Variants in ATP6V1H observed in about 807,000 individuals in gnomAD.
ATP6V1H encodes the protein ATPase H+ transporting V1 subunit H, also known as V-type proton ATPase subunit H.
ATP6V1H carries 39 observed loss-of-function variants against 71.7 expected under a neutral mutation model. The ratio of observed to expected loss-of-function variants is 0.54; its 90% confidence interval spans 0.42 to 0.71. The LOEUF is 0.71. Among genes scored for constraint, ATP6V1H ranks in the 30% least tolerant of loss-of-function variants. The pLI is 0.00. For synonymous variants in ATP6V1H, 192 were observed against 199.3 expected, an observed-to-expected ratio of 0.96 and a Z score of 0.31; for missense variants, 509 against 594.9, an observed-to-expected ratio of 0.86 and a Z score of 1.50.
rs181924211 is a variant in ATP6V1H, at chr8:53,784,841, T to C, written c.870+10806A>G. On this transcript the variant is annotated intron_variant, in intron 9 of 13. Coordinates refer to ENST00000359530, the MANE Select transcript of ATP6V1H (RefSeq NM_015941.4). ...TGAAATTCTGGGTTGAAAATTCCTT[T>C]CTTTAAGAATGTTGAATATTGGCCC... is the stretch of plus-strand genomic sequence containing the variant. 3.0e-3 allele frequency among the ~76,000 whole-genome samples: 457 copies of C among 152,322 alleles called. 3 individuals are homozygous for C. Among genetic ancestry groups the C allele is most frequent in the African/African-American group, 0.01 (433 of 41,568 alleles).
intron 4 of ATP6V1H, among the ~76,000 whole-genome samples, chr8:53,828,035 G>A (rs1009508937): frequency 6.6e-6 from 1 of 152,140 alleles, no homozygotes; most frequent in African/African-American, 2.4e-5. Flanking sequence ...TTGATTCCAT[G>A]TCTTTGCTAA....
intron 12 of ATP6V1H, among the ~76,000 whole-genome samples, chr8:53,752,629 C>A (rs1456912017): frequency 2.0e-5 from 3 of 152,172 alleles, no homozygotes; most frequent in Non-Finnish European, 4.4e-5. Flanking sequence ...CAGCTCACTG[C>A]AACCTCCACC....
At chr8:53,769,304 A>G (rs970068070) in intron 11 of ATP6V1H, among the ~76,000 whole-genome samples, 2 of 152,132 alleles carry the variant, frequency 1.3e-5, no homozygotes, top group African/African-American at 2.4e-5. Context: ...GACACCATTA[A>G]AAAGTAAAAT....
chr8:53,726,845 G>A (rs1033375726), intron 13 of ATP6V1H, among the ~76,000 whole-genome samples: 2 of 152,022 alleles, frequency 1.3e-5, no homozygotes, highest in African/African-American at 2.4e-5. Flanking sequence ...GGAATACTCT[G>A]ACCATGTTTA....
intron 12 of ATP6V1H, 108 bp from the exon 13 acceptor site, chr8:53,743,798 C>T (rs2291218): frequency 8.7e-5 from 58 of 663,594 alleles, no homozygotes; most frequent in East Asian, 5.6e-4. Flanking sequence ...TAACAATGTA[C>T]GTAAATAAAC....
intron 11 of ATP6V1H, among the ~76,000 whole-genome samples, chr8:53,761,829 CAAT>C (rs1184886424): frequency 6.6e-6 from 1 of 151,974 alleles, no homozygotes. Flanking sequence ...ATTTAAATGA[CAAT>C]AAGAGGATTT....
intron 9 of ATP6V1H, among the ~76,000 whole-genome samples, chr8:53,789,267 G>C (rs1339611991): frequency 6.6e-6 from 1 of 152,144 alleles, no homozygotes; most frequent in African/African-American, 2.4e-5. Context: ...AAGAGAGGAG[G>C]AACTAAGTGG....
intron 13 of ATP6V1H, among the ~76,000 whole-genome samples, chr8:53,736,226 A>G (rs1006001503): frequency 6.6e-6 from 1 of 152,194 alleles, no homozygotes; most frequent in African/African-American, 2.4e-5. Flanking sequence ...CAAAGAACCC[A>G]GACCCGTCTG....
chr8:53,805,691 A>G (rs1157731385), intron 7 of ATP6V1H, among the ~76,000 whole-genome samples: 3 of 152,224 alleles, frequency 2.0e-5, no homozygotes, highest in Admixed American at 6.5e-5. Context: ...CTGCCAAAAG[A>G]TATGTACAAG....
chr8:53,742,371 C>G (rs184204386), intron 13 of ATP6V1H, among the ~76,000 whole-genome samples: 1 of 152,200 alleles, frequency 6.6e-6, no homozygotes, highest in African/African-American at 2.4e-5. Context: ...AAGCCAAGTT[C>G]GTTACTACTT....
chr8:53,790,875 G>C (rs1809544090), intron 9 of ATP6V1H, among the ~76,000 whole-genome samples: 1 of 152,200 alleles, frequency 6.6e-6, no homozygotes, highest in Non-Finnish European at 1.5e-5. Context: ...GGCTCCGTAT[G>C]TGGGAGTGAT....
intron 5 of ATP6V1H, among the ~76,000 whole-genome samples, chr8:53,816,158 T>A (rs950579385): frequency 2.6e-5 from 4 of 152,248 alleles, no homozygotes; most frequent in African/African-American, 9.6e-5. Flanking sequence ...TATTTCATAA[T>A]GTCCACAACA....
At chr8:53,832,358 G>C (rs1458270316) in intron 3 of ATP6V1H, 3 of 151,928 alleles carry the variant, frequency 2.0e-5, no homozygotes, top group Non-Finnish European at 4.4e-5. Flanking sequence ...TACCATGAAA[G>C]AATGTAAAAC....
chr8:53,772,725 G>A lies in ATP6V1H; in HGVS notation c.871-558C>T, dbSNP rs542826058. Among the ~76,000 whole-genome samples, 3 of 152,032 alleles carry A rather than the reference G, an allele frequency of 2.0e-5. No homozygotes were observed. The South Asian group carries it at 6.2e-4, about 32-fold the overall frequency. On this transcript the variant is annotated intron_variant, in intron 9 of 13. Transcript: ENST00000359530. ...CTCTTCTAGGATTTTCTATTTTTAAGAGTACTTAAGAAAATGGCAAAATAA... is the reference window on the plus strand; with the variant it reads ...CTCTTCTAGGATTTTCTATTTTTAAAAGTACTTAAGAAAATGGCAAAATAA...
chr8:53,788,800 A>G (rs1443775875), intron 9 of ATP6V1H, among the ~76,000 whole-genome samples: 1 of 152,150 alleles, frequency 6.6e-6, no homozygotes, highest in African/African-American at 2.4e-5. Flanking sequence ...ACACTACTCT[A>G]TTTCTCAGAT....
At chr8:53,737,086 T>C (rs1244332462) in intron 13 of ATP6V1H, among the ~76,000 whole-genome samples, 2 of 152,240 alleles carry the variant, frequency 1.3e-5, no homozygotes, top group African/African-American at 4.8e-5. Context: ...CTTAGAGCTG[T>C]AAGCCCTTAA....
intron 8 of ATP6V1H, among the ~76,000 whole-genome samples, chr8:53,798,410 G>A (rs1021668479): frequency 2.0e-5 from 3 of 152,020 alleles, no homozygotes; most frequent in Non-Finnish European, 4.4e-5. Flanking sequence ...TGTAATCCTA[G>A]CTACTCAGGA....
intron 9 of ATP6V1H, among the ~76,000 whole-genome samples, chr8:53,777,041 CACAA>C (rs996086514): frequency 2.7e-4 from 41 of 152,096 alleles, no homozygotes; most frequent in African/African-American, 9.7e-4. Flanking sequence ...TCTTCCCTCC[CACAA>C]ACAAAGTGAA....
At chr8:53,745,814 G>A (rs934399743) in intron 12 of ATP6V1H, among the ~76,000 whole-genome samples, 4 of 152,120 alleles carry the variant, frequency 2.6e-5, no homozygotes, top group Admixed American at 2.0e-4. Context: ...ATGGCAGAAC[G>A]CTGCCTTGTT....
Sources: allele counts gnomAD v4.1 joint callset (sites outside exome capture counted in the v4.1 genomes callset), GRCh38; gene constraint gnomAD v4.1.1; transcripts MANE v1.5; gene names NCBI Gene and HGNC (gene_info 2026-07-23, HGNC 2026-07-21).